NHS: variants seen among roughly 807,000 people sequenced by gnomAD.
NHS encodes the protein NHS actin remodeling regulator.
NHS carries 5 observed loss-of-function variants against 72.5 expected under a neutral mutation model. The ratio of observed to expected loss-of-function variants is 0.07; its 90% CI spans 0.04 to 0.14. NHS has a LOEUF of 0.14. Ranked by LOEUF, NHS falls within the 10% of genes least tolerant of loss-of-function variation. The pLI is 1.00. For missense variants in NHS, 1,072 were observed against 1,355.7 expected, an observed-to-expected ratio of 0.79 and a Z score of 3.29; for synonymous variants, 464 against 547.7, an observed-to-expected ratio of 0.85 and a Z score of 2.13.
chrX:17,473,325 A>G (rs976861171), intron 1 of NHS, among the ~76,000 whole-genome samples: 1 of 112,270 alleles, frequency 8.9e-6, no homozygotes, highest in South Asian at 3.7e-4. Context: ...CCACAAGAAG[A>G]GTAATCTGAT....
At chrX:17,572,607 C>G (rs1331964845) in intron 1 of NHS, among the ~76,000 whole-genome samples, 6 of 106,085 alleles carry the variant, frequency 5.7e-5, no homozygotes, top group Non-Finnish European at 9.6e-5. Flanking sequence ...ATACAGCACA[C>G]TGATGGGTCT....
intron 3 of NHS, among the ~76,000 whole-genome samples, chrX:17,716,985 C>T (rs1343268813): frequency 9.8e-6 from 1 of 102,340 alleles, no homozygotes; most frequent in Non-Finnish European, 2.0e-5. Flanking sequence ...TTTTTCCCTC[C>T]GAGACAGAGT....
chrX:17,646,704 AT>A (rs1326618568), intron 1 of NHS, among the ~76,000 whole-genome samples: 1 of 112,172 alleles, frequency 8.9e-6, no homozygotes, highest in Non-Finnish European at 1.9e-5. Flanking sequence ...GAGACTGCAA[AT>A]ACTGGTATAG....
chrX:17,596,038 C>G (rs1387558537), intron 1 of NHS, among the ~76,000 whole-genome samples: 2 of 85,437 alleles, frequency 2.3e-5, no homozygotes, highest in Non-Finnish European at 4.6e-5. Context: ...TACTCCCTCC[C>G]TCCAAAAAAA....
chrX:17,564,622 C>T (rs140307287), intron 1 of NHS, among the ~76,000 whole-genome samples: 15 of 112,489 alleles, frequency 1.3e-4, no homozygotes, highest in Non-Finnish European at 2.4e-4. Context: ...CTTACCAGGA[C>T]GCTCCATTCT....
At chrX:17,541,777 C>CACACACACACACACACACAG in intron 1 of NHS, among the ~76,000 whole-genome samples, 1 of 99,184 alleles carries the variant, frequency 1.0e-5, no homozygotes, top group East Asian at 3.2e-4. Flanking sequence ...AACACACACA[C>CACACACACACACACACACAG]ACACACACAC....
At chrX:17,454,284 G>C (rs949066815) in intron 1 of NHS, among the ~76,000 whole-genome samples, 6 of 111,720 alleles carry the variant, frequency 5.4e-5, no homozygotes, top group African/African-American at 2.0e-4. Flanking sequence ...TGGGATGAAG[G>C]AATAAACTCA....
chrX:17,637,687 G>A (rs1355275619), intron 1 of NHS, among the ~76,000 whole-genome samples: 2 of 111,897 alleles, frequency 1.8e-5, no homozygotes, highest in Admixed American at 1.9e-4. Flanking sequence ...TTACAGGTTT[G>A]GGTGTGTGTT....
At chrX:17,601,365 C>T (rs1314301609) in intron 1 of NHS, among the ~76,000 whole-genome samples, 2 of 111,490 alleles carry the variant, frequency 1.8e-5, no homozygotes, top group East Asian at 2.8e-4. Context: ...GAGCATTTGT[C>T]ATTTATAGGA....
At chrX:17,631,013 T>C (rs1382457266) in intron 1 of NHS, among the ~76,000 whole-genome samples, 1 of 112,154 alleles carries the variant, frequency 8.9e-6, no homozygotes, top group Non-Finnish European at 1.9e-5. Flanking sequence ...TCTAGCCCAT[T>C]GTCTTTATTT....
chrX:17,725,634 G>C lies in NHS; in HGVS notation c.1528G>C (p.Glu510Gln). The C allele has an allele frequency of 8.3e-7, 1 of 1,211,610 alleles. No individual in the cohort carries two copies. The highest frequency in any genetic ancestry group is 1.1e-6 in the Non-Finnish European group (1 of 895,532). Residue 510 changes from glutamate to glutamine, a missense_variant, in exon 7 of 9, where the codon GAA (glutamate) becomes CAA (glutamine). Glu to Gln is a conservative substitution (Grantham distance 29). Coordinates refer to ENST00000676302, the MANE Select transcript of NHS (RefSeq NM_001291867.2). ...SRTRSRSLPR[E>Q]GNRGGDAEPK... ...CACAAGATCTCGGAGCCTTCCCCGG[G>C]AAGGTAATAGAGGTGGGGATGCTGA...
intron 1 of NHS, among the ~76,000 whole-genome samples, chrX:17,383,538 CA>C (rs1274623732): frequency 8.9e-6 from 1 of 111,824 alleles, no homozygotes; most frequent in Admixed American, 9.5e-5. Context: ...ACAATCATGG[CA>C]AAAGGAAAAG....
At chrX:17,539,120 T>C (rs778463763) in intron 1 of NHS, among the ~76,000 whole-genome samples, 1 of 112,404 alleles carries the variant, frequency 8.9e-6, no homozygotes, top group South Asian at 3.7e-4. Context: ...TTCTTAAGCC[T>C]ACCATATATG....
Position 17,548,826 on chromosome X carries a change from G to T in NHS, c.566-138916G>T, listed in dbSNP as rs774414504. On this transcript the variant is annotated intron_variant, in intron 1 of 8. Transcript: ENST00000676302. The stretch of plus-strand genomic sequence containing the variant: ...CTGCAGAGAGAGGAAAAGGAAGAGG[G>T]CTGACAACAGGCCCCTGGGGGATGG... Among the ~76,000 whole-genome samples the T allele has an allele frequency of 2.7e-5, 3 of 111,425 alleles. No individual in the cohort carries two copies. The East Asian group carries it at 8.6e-4, about 32-fold the overall frequency.
chrX:17,414,921 C>T (rs1376983407), intron 1 of NHS, among the ~76,000 whole-genome samples: 1 of 111,149 alleles, frequency 9.0e-6, no homozygotes, highest in East Asian at 2.8e-4. Context: ...GAATGGAGGA[C>T]AGAAAGGCAG....
intron 1 of NHS, among the ~76,000 whole-genome samples, chrX:17,471,449 T>C (rs1159771023): frequency 8.9e-6 from 1 of 112,552 alleles, no homozygotes; most frequent in Non-Finnish European, 1.9e-5. Flanking sequence ...AGAGCAACAT[T>C]TAGATTTTTA....
At chrX:17,528,567 G>C (rs963548452) in intron 1 of NHS, 1 of 112,093 alleles carries the variant, frequency 8.9e-6, no homozygotes, top group Non-Finnish European at 1.9e-5. Flanking sequence ...GGTGGCAGCT[G>C]TGCTGGGTTT....
intron 1 of NHS, among the ~76,000 whole-genome samples, chrX:17,569,509 G>A (rs1481596318): frequency 4.5e-5 from 5 of 111,461 alleles, no homozygotes; most frequent in African/African-American, 1.6e-4. Flanking sequence ...ATTTTTTGAT[G>A]GGGTTGTTTG....
At chrX:17,501,489 C>G (rs1661133303) in intron 1 of NHS, among the ~76,000 whole-genome samples, 1 of 111,644 alleles carries the variant, frequency 9.0e-6, no homozygotes, top group South Asian at 3.8e-4. Context: ...AGTCCCAACA[C>G]TTTGGGAGGC....
Sources: gnomAD v4.1 joint callset for allele counts (sites outside exome capture counted in the v4.1 genomes callset) on GRCh38, gnomAD v4.1.1 for gene constraint, MANE v1.5 for transcripts, NCBI Gene and HGNC (gene_info 2026-07-23, HGNC 2026-07-21) for gene names.